Variants in CDC73 observed in about 807,000 individuals in gnomAD.
CDC73 encodes cell division cycle 73, also known as parafibromin.
In CDC73, 21 loss-of-function variants were observed where a neutral mutation model predicts 83.7. That is an observed-to-expected ratio of 0.25 (90% CI 0.18 to 0.36). CDC73 has a LOEUF of 0.36. Ranked by LOEUF, CDC73 falls within the 10% of genes least tolerant of loss-of-function variation. CDC73 has a pLI of 1.00. For missense variants in CDC73, 342 were observed against 653.3 expected, an observed-to-expected ratio of 0.52 and a Z score of 5.19; for synonymous variants, 224 against 212.9, an observed-to-expected ratio of 1.05 and a Z score of -0.45.
intron 7 of CDC73, among the ~76,000 whole-genome samples, chr1:193,147,201 C>T (rs940255704): frequency 2.0e-5 from 3 of 151,418 alleles, no homozygotes; most frequent in African/African-American, 7.3e-5. Context: ...ACCGTATTAG[C>T]CAGAATGGCC....
At chr1:193,147,363 T>G (rs1274214367) in intron 7 of CDC73, among the ~76,000 whole-genome samples, 2 of 148,570 alleles carry the variant, frequency 1.3e-5, no homozygotes, top group African/African-American at 5.0e-5. Flanking sequence ...TTTGTAGCAG[T>G]TTTTTTTTTC....
intron 9 of CDC73, 60 bp downstream of exon 9, chr1:193,150,442 G>A: frequency 1.7e-6 from 2 of 1,168,898 alleles, no homozygotes; most frequent in Non-Finnish European, 2.6e-6. Context: ...GAGAGGCAGT[G>A]TGGCCTGATG....
chr1:193,224,520 CAT>C (rs755677247), intron 13 of CDC73, among the ~76,000 whole-genome samples: 53 of 151,834 alleles, frequency 3.5e-4, no homozygotes, highest in Non-Finnish European at 6.0e-4. Flanking sequence ...CACATATACA[CAT>C]ATATGAAATA....
At chr1:193,246,890 C>G (rs944010582) in intron 15 of CDC73, among the ~76,000 whole-genome samples, 7 of 152,124 alleles carry the variant, frequency 4.6e-5, no homozygotes, top group Non-Finnish European at 1.0e-4. Flanking sequence ...CGATGCAGTT[C>G]TATTAACTTT....
intron 11 of CDC73, among the ~76,000 whole-genome samples, chr1:193,207,581 G>C (rs1489667155): frequency 1.3e-5 from 2 of 152,074 alleles, no homozygotes; most frequent in African/African-American, 4.8e-5. Flanking sequence ...AGAATTCAGC[G>C]ATATCTCTCT....
At chr1:193,152,029 T>C (rs909159304) in intron 9 of CDC73, among the ~76,000 whole-genome samples, 2 of 152,250 alleles carry the variant, frequency 1.3e-5, no homozygotes, top group African/African-American at 4.8e-5. Context: ...TTGGGTCTTT[T>C]CATGGTATTA....
In CDC73 at chr1:193,123,948, G is replaced by A. The variant is rs185645935; in HGVS notation, c.132-1164G>A. ...CTTTGGCAAGTTCACATCCAACAAA[G>A]TTTTCTTGAATGAATGAATGAATGA... On this transcript the variant is annotated intron_variant, in intron 1 of 16. Transcript: ENST00000367435. Among the ~76,000 whole-genome samples, 213 of 152,322 alleles carry A rather than the reference G, an allele frequency of 1.4e-3. 1 individual carries two copies. Among genetic ancestry groups the A allele is most frequent in the African/African-American group, 5.0e-3 (206 of 41,570 alleles).
intron 10 of CDC73, chr1:193,180,989 C>T: frequency 6.2e-7 from 1 of 1,613,406 alleles, no homozygotes; most frequent in Non-Finnish European, 8.5e-7. Context: ...ATACTTAAGC[C>T]CAACAAAAAT....
At chr1:193,239,755 A>C (rs1677825136) in intron 15 of CDC73, among the ~76,000 whole-genome samples, 1 of 152,126 alleles carries the variant, frequency 6.6e-6, no homozygotes, top group Non-Finnish European at 1.5e-5. Flanking sequence ...GAACATTTCA[A>C]GTCATCTCTT....
rs999654560 is a variant in CDC73 at position 193,254,721 on chromosome 1, G to A, written c.*4009G>A. On this transcript the variant is annotated 3_prime_UTR_variant, in exon 17 of 17. Coordinates refer to ENST00000367435, the MANE Select transcript of CDC73 (RefSeq NM_024529.5). ...TAATCTTTATAAGGGCATCTTGGAA[G>A]TTATAAATATGTGCCATTTACTGAA... is the stretch of plus-strand genomic sequence containing the variant. Among the ~76,000 whole-genome samples, 3 of 152,122 alleles carry A rather than the reference G, an allele frequency of 2.0e-5. No individual in the cohort carries two copies. The highest frequency in any genetic ancestry group is 4.4e-5 in the Non-Finnish European group (3 of 68,006).
At chr1:193,245,575 G>A (rs116593655) in intron 15 of CDC73, among the ~76,000 whole-genome samples, 1,861 of 152,238 alleles carry the variant, frequency 0.012, 19 homozygotes, top group South Asian at 0.034. Flanking sequence ...TAATAGGACT[G>A]TGAATAGAAT....
chr1:193,172,125 G>A (rs927613316), intron 10 of CDC73, among the ~76,000 whole-genome samples: 6 of 151,712 alleles, frequency 4.0e-5, no homozygotes, highest in Non-Finnish European at 7.4e-5. Flanking sequence ...GGGTTTCACC[G>A]TGTTGGCTAG....
chr1:193,135,616 T>G (rs1230752372), intron 5 of CDC73, 27 bp downstream of exon 5: 1 of 1,513,160 alleles, frequency 6.6e-7, no homozygotes. Context: ...TTAAACAATT[T>G]TATTTATATT....
At chr1:193,151,439 T>C (rs1254887885) in intron 9 of CDC73, among the ~76,000 whole-genome samples, 1 of 152,216 alleles carries the variant, frequency 6.6e-6, no homozygotes, top group Non-Finnish European at 1.5e-5. Context: ...TCACCCTCCA[T>C]GGGCCAAATT....
At chr1:193,218,317 T>C (rs1354232285) in intron 13 of CDC73, among the ~76,000 whole-genome samples, 3 of 152,222 alleles carry the variant, frequency 2.0e-5, no homozygotes, top group Non-Finnish European at 4.4e-5. Flanking sequence ...AGAATCAATA[T>C]TGTTAAAGTG....
chr1:193,123,589 A>G (rs1675507185), intron 1 of CDC73, among the ~76,000 whole-genome samples: 1 of 152,080 alleles, frequency 6.6e-6, no homozygotes, highest in Non-Finnish European at 1.5e-5. Context: ...ATGTTGATCA[A>G]ATGACATTCT....
At chr1:193,154,237 T>C (rs1676169138) in intron 10 of CDC73, among the ~76,000 whole-genome samples, 1 of 152,166 alleles carries the variant, frequency 6.6e-6, no homozygotes, top group Non-Finnish European at 1.5e-5. Flanking sequence ...AAGTAAGTTT[T>C]TTGTTATTTT....
At chr1:193,225,984 C>A (rs1292868393) in intron 13 of CDC73, among the ~76,000 whole-genome samples, 3 of 152,074 alleles carry the variant, frequency 2.0e-5, no homozygotes, top group Non-Finnish European at 4.4e-5. Flanking sequence ...TTGCCTAAGC[C>A]GGTGTCTAGA....
At chr1:193,191,329 C>G (rs571861866) in intron 10 of CDC73, among the ~76,000 whole-genome samples, 1 of 152,292 alleles carries the variant, frequency 6.6e-6, no homozygotes, top group South Asian at 2.1e-4. Flanking sequence ...GTTAGTATAT[C>G]TTCTGGTATA....
Sources: gnomAD v4.1 joint callset for allele counts (sites outside exome capture counted in the v4.1 genomes callset) on GRCh38, gnomAD v4.1.1 for gene constraint, MANE v1.5 for transcripts, NCBI Gene and HGNC (gene_info 2026-07-23, HGNC 2026-07-21) for gene names.